The following ARHGAP35 variants were observed in gnomAD, a reference collection of about 807,000 sequenced individuals.
The protein encoded by ARHGAP35 is Rho GTPase activating protein 35.
A neutral mutation model predicts 111.1 loss-of-function variants in ARHGAP35; 15 were observed. The observed-to-expected ratio is 0.13, with a 90% CI of 0.09 to 0.21. The LOEUF is 0.21. Among genes scored for constraint, ARHGAP35 ranks in the 10% least tolerant of loss-of-function variants. The probability of loss-of-function intolerance (pLI) is 1.00; values close to 1 mark genes in which losing one functional copy is unlikely to be tolerated. For missense variants in ARHGAP35, 1,262 were observed against 1,873.0 expected (o/e 0.67, Z 6.02); for synonymous variants, 643 against 710.3 (o/e 0.91, Z 1.51).
chr19:46,911,729 G>A (rs311372), intron 1 of ARHGAP35, among the ~76,000 whole-genome samples: 140,121 of 152,234 alleles, frequency 0.92, 64,856 homozygotes, highest in African/African-American at 0.97. Flanking sequence ...TGCCCTCTAT[G>A]TCTCACTCAG....
chr19:46,984,960 C>T (rs2056641259), intron 3 of ARHGAP35, among the ~76,000 whole-genome samples: 1 of 152,196 alleles, frequency 6.6e-6, no homozygotes, highest in Non-Finnish European at 1.5e-5. Context: ...TTCTGCAGCT[C>T]GGAGACTGCC....
chr19:46,884,325 C>T (rs2055981577), intron 1 of ARHGAP35, among the ~76,000 whole-genome samples: 1 of 151,862 alleles, frequency 6.6e-6, no homozygotes, highest in Non-Finnish European at 1.5e-5. Context: ...GATCTAACTT[C>T]AGAATAAAGG....
At chr19:46,941,022 C>G (rs1307557718) in intron 3 of ARHGAP35, among the ~76,000 whole-genome samples, 2 of 152,168 alleles carry the variant, frequency 1.3e-5, no homozygotes, top group East Asian at 3.8e-4. Context: ...GTTACTATGC[C>G]ATTGTCCCCT....
chr19:46,981,352 A>AT (rs985592180), intron 3 of ARHGAP35, among the ~76,000 whole-genome samples: 19 of 152,216 alleles, frequency 1.2e-4, no homozygotes, highest in Admixed American at 1.2e-3. Flanking sequence ...TGCCAATTAA[A>AT]TTTTTTTAAA....
Position 47,004,625 on chromosome 19 carries a change from T to C in ARHGAP35, c.*3937T>C, listed in dbSNP as rs1418665516. 2.0e-5 allele frequency: 3 copies of C among 152,710 alleles called. No individual in the cohort carries two copies. The highest frequency in any genetic ancestry group is 4.4e-5 in the Non-Finnish European group (3 of 68,052). The allele number at this position is 152,710 out of a possible 1,614,324, so 9.5% of individuals were successfully genotyped here. A position where few individuals can be genotyped will look rare whatever the true frequency, so the allele number is the denominator to read the frequency against. On this transcript the variant is annotated 3_prime_UTR_variant, in exon 7 of 7. Coordinates refer to ENST00000672722, the MANE Select transcript of ARHGAP35 (RefSeq NM_004491.5). ...TCACATGTTAAATGATCTTTATATA[T>C]GTTGAATTAACAAATATTTTGAGTT...
At chr19:46,950,886 A>G (rs1019499734) in intron 3 of ARHGAP35, among the ~76,000 whole-genome samples, 13 of 152,186 alleles carry the variant, frequency 8.5e-5, no homozygotes, top group African/African-American at 2.9e-4. Flanking sequence ...CAACAAGAAC[A>G]CCTAGCAGTG....
chr19:46,951,482 A>G (rs1015907431), intron 3 of ARHGAP35, among the ~76,000 whole-genome samples: 3 of 152,114 alleles, frequency 2.0e-5, no homozygotes, highest in Admixed American at 2.0e-4. Flanking sequence ...TAGTATGTAC[A>G]GGACAAACTT....
chr19:46,928,814 C>T (rs1030988961), intron 2 of ARHGAP35, among the ~76,000 whole-genome samples: 1 of 151,978 alleles, frequency 6.6e-6, no homozygotes, highest in Non-Finnish European at 1.5e-5. Context: ...CGCCTATAAT[C>T]CCAGCTACTC....
In ARHGAP35 at chr19:46,988,887, G is replaced by C. The variant is rs2056665116; in HGVS notation, c.3905-657G>C. ...GAGACACGAGGCCAAAGTGAGGGTA[G>C]AGCCCCCAGTGTGGGATGCATTTGT... On this transcript the variant is annotated intron_variant, in intron 4 of 6. Coordinates refer to ENST00000672722, the MANE Select transcript of ARHGAP35 (RefSeq NM_004491.5). This position sits in a 1 kb window ranked among gnomAD's most constrained non-coding sequence, Gnocchi z 5.4. The C allele has an allele frequency of 6.5e-6, 1 of 153,436 alleles. No homozygotes were observed. Among genetic ancestry groups the C allele is most frequent in the African/African-American group, 2.4e-5 (1 of 41,474 alleles). 9.5% of individuals were successfully genotyped at this position (153,436 alleles called of 1,614,324 possible). A position where few individuals can be genotyped will look rare whatever the true frequency, so the allele number is the denominator to read the frequency against.
intron 1 of ARHGAP35, among the ~76,000 whole-genome samples, chr19:46,902,675 GT>G (rs1257740827): frequency 1.3e-5 from 2 of 152,110 alleles, no homozygotes; most frequent in Non-Finnish European, 2.9e-5. Flanking sequence ...TGAGCAGCCT[GT>G]TTTTTGAACT....
intron 3 of ARHGAP35, among the ~76,000 whole-genome samples, chr19:46,940,359 CA>C (rs529022109): frequency 0.62 from 71,259 of 114,042 alleles, 20,697 homozygotes; most frequent in Middle Eastern, 0.75. Flanking sequence ...AACTGTGTCT[CA>C]AAAAAAAAAA....
At chr19:46,883,261 AT>A (rs532740072) in intron 1 of ARHGAP35, among the ~76,000 whole-genome samples, 266 of 144,730 alleles carry the variant, frequency 1.8e-3, no homozygotes, top group Middle Eastern at 3.7e-3. Context: ...TGCCTGGCTA[AT>A]TTTTTTTTTT....
intron 1 of ARHGAP35, among the ~76,000 whole-genome samples, chr19:46,864,538 G>A (rs539656463): frequency 6.6e-6 from 1 of 152,186 alleles, no homozygotes; most frequent in African/African-American, 2.4e-5. Flanking sequence ...AAATAATTCT[G>A]TGTGGACACA....
intron 1 of ARHGAP35, among the ~76,000 whole-genome samples, chr19:46,880,526 C>G (rs372393356): frequency 2.6e-4 from 40 of 152,292 alleles, no homozygotes; most frequent in African/African-American, 9.1e-4. Flanking sequence ...TTGTAGTTCA[C>G]TTTCCACCAC....
chr19:46,885,619 C>G (rs1198880479), intron 1 of ARHGAP35, among the ~76,000 whole-genome samples: 1 of 152,124 alleles, frequency 6.6e-6, no homozygotes, highest in South Asian at 2.1e-4. Flanking sequence ...AAATGTTTCT[C>G]TCACGGGAAG....
chr19:46,873,858 C>T (rs1291213223), intron 1 of ARHGAP35, among the ~76,000 whole-genome samples: 1 of 151,956 alleles, frequency 6.6e-6, no homozygotes, highest in Non-Finnish European at 1.5e-5. Flanking sequence ...ACGCCATTCT[C>T]TGGCCTCAGC....
At chr19:46,899,510 A>G (rs767265476) in intron 1 of ARHGAP35, among the ~76,000 whole-genome samples, 1 of 152,088 alleles carries the variant, frequency 6.6e-6, no homozygotes, top group East Asian at 1.9e-4. Flanking sequence ...CCTGGCCAAC[A>G]TGGTGAAACC....
At chr19:46,939,929 A>G (rs1416422409) in intron 3 of ARHGAP35, among the ~76,000 whole-genome samples, 1 of 151,778 alleles carries the variant, frequency 6.6e-6, no homozygotes, top group African/African-American at 2.4e-5. Flanking sequence ...ATCCTGGACC[A>G]CACGTTACAT....
chr19:46,951,412 G>A (rs2056412278), intron 3 of ARHGAP35, among the ~76,000 whole-genome samples: 1 of 152,126 alleles, frequency 6.6e-6, no homozygotes, highest in Non-Finnish European at 1.5e-5. Flanking sequence ...CTTGGGGACT[G>A]CGCATGTGCA....
Sources: gnomAD v4.1 joint callset for allele counts (sites outside exome capture counted in the v4.1 genomes callset) on GRCh38, gnomAD v4.1.1 for gene constraint, Gnocchi (gnomAD v3.1) non-coding constraint, MANE v1.5 for transcripts, NCBI Gene and HGNC (gene_info 2026-07-23, HGNC 2026-07-21) for gene names.